DIAPH3: variants seen among roughly 807,000 people sequenced by gnomAD.
The protein encoded by DIAPH3 is diaphanous related formin 3.
In DIAPH3, 117 loss-of-function variants were observed where a neutral mutation model predicts 144.3. The observed-to-expected ratio is 0.81, with a 90% CI of 0.70 to 0.95. The LOEUF (loss-of-function observed/expected upper bound fraction) is 0.95. Among genes scored for constraint, DIAPH3 ranks in the 40% least tolerant of loss-of-function variants. DIAPH3 has a pLI of 0.00. For synonymous variants in DIAPH3, 519 were observed against 488.9 expected (o/e 1.06, Z -0.81); for missense variants, 1,421 against 1,412.7 (o/e 1.01, Z -0.09).
chr13:59,748,818 TTGG>T (rs1391333983), intron 27 of DIAPH3, among the ~76,000 whole-genome samples: 1 of 152,012 alleles, frequency 6.6e-6, no homozygotes, highest in Non-Finnish European at 1.5e-5. Context: ...GAAGCCACGG[TTGG>T]TGGTAATCTG....
intron 27 of DIAPH3, among the ~76,000 whole-genome samples, chr13:59,749,751 A>C (rs1019099494): frequency 2.6e-5 from 4 of 152,086 alleles, no homozygotes; most frequent in Non-Finnish European, 5.9e-5. Context: ...AGGTCTTAGA[A>C]AATTTCAAAA....
intron 7 of DIAPH3, chr13:60,013,041 C>G: frequency 1.0e-6 from 1 of 985,364 alleles, no homozygotes; most frequent in Non-Finnish European, 1.2e-6. Flanking sequence ...GAGAAGTTGT[C>G]AACTTACCAG....
At chr13:59,915,309 C>T (rs900084926) in intron 19 of DIAPH3, among the ~76,000 whole-genome samples, 4 of 151,970 alleles carry the variant, frequency 2.6e-5, no homozygotes, top group African/African-American at 9.7e-5. Context: ...AATTATATGA[C>T]CACTACATTT....
intron 25 of DIAPH3, 90 bp downstream of exon 25, chr13:59,810,698 T>G: frequency 7.1e-7 from 1 of 1,413,906 alleles, no homozygotes; most frequent in Non-Finnish European, 9.6e-7. Context: ...TGTATTTTCC[T>G]TTTTCACTAA....
At chr13:59,791,907 C>A (rs2039346619) in intron 25 of DIAPH3, among the ~76,000 whole-genome samples, 1 of 152,188 alleles carries the variant, frequency 6.6e-6, no homozygotes, top group African/African-American at 2.4e-5. Flanking sequence ...GGCCTCCTGA[C>A]TCCTCCTTTC....
At chr13:59,924,397 T>C (rs551682694) in intron 18 of DIAPH3, among the ~76,000 whole-genome samples, 1 of 152,236 alleles carries the variant, frequency 6.6e-6, no homozygotes, top group East Asian at 1.9e-4. Flanking sequence ...GTATCACAAA[T>C]ATTAGAGATT....
chr13:60,095,368 T>C (rs943427656), intron 3 of DIAPH3, among the ~76,000 whole-genome samples: 1 of 152,166 alleles, frequency 6.6e-6, no homozygotes, highest in South Asian at 2.1e-4. Context: ...GTCAGCAATG[T>C]ATGGGCTCTT....
intron 20 of DIAPH3, among the ~76,000 whole-genome samples, chr13:59,881,610 C>A (rs2045053189): frequency 1.3e-5 from 2 of 152,082 alleles, no homozygotes; most frequent in Non-Finnish European, 2.9e-5. Flanking sequence ...ATGTAGCCAG[C>A]ATAGAGTAAT....
At chr13:60,110,096 T>A (rs918138206) in intron 3 of DIAPH3, among the ~76,000 whole-genome samples, 11 of 152,174 alleles carry the variant, frequency 7.2e-5, no homozygotes, top group Non-Finnish European at 1.5e-4. Context: ...TCACATTCAT[T>A]AAGTAATCAA....
intron 23 of DIAPH3, among the ~76,000 whole-genome samples, chr13:59,834,755 T>C (rs539751253): frequency 6.6e-6 from 1 of 151,848 alleles, no homozygotes; most frequent in South Asian, 2.1e-4. Context: ...ATACGTGAGA[T>C]ACTCAACAAA....
At chr13:59,789,048 A>T (rs2039188628) in intron 25 of DIAPH3, among the ~76,000 whole-genome samples, 1 of 152,228 alleles carries the variant, frequency 6.6e-6, no homozygotes, top group African/African-American at 2.4e-5. Flanking sequence ...GGCAAAAAGA[A>T]TGCTACCACA....
chr13:59,673,066 T>C (rs1259119779), intron 27 of DIAPH3, among the ~76,000 whole-genome samples: 1 of 152,228 alleles, frequency 6.6e-6, no homozygotes, highest in Non-Finnish European at 1.5e-5. Flanking sequence ...GCTGAGTTTT[T>C]CTAATTGAGT....
At chr13:59,899,495 A>G (rs1460666950) in intron 20 of DIAPH3, among the ~76,000 whole-genome samples, 1 of 152,202 alleles carries the variant, frequency 6.6e-6, no homozygotes, top group East Asian at 1.9e-4. Context: ...CAAGAATGTG[A>G]CTGGCATGTT....
chr13:60,122,180 C>T (rs1324927825), intron 2 of DIAPH3, among the ~76,000 whole-genome samples: 1 of 152,192 alleles, frequency 6.6e-6, no homozygotes, highest in Non-Finnish European at 1.5e-5. Flanking sequence ...CACTCCACCA[C>T]CTTACACTGT....
intron 27 of DIAPH3, among the ~76,000 whole-genome samples, chr13:59,772,041 T>G (rs919537848): frequency 2.6e-5 from 4 of 152,082 alleles, no homozygotes; most frequent in African/African-American, 9.7e-5. Flanking sequence ...TAGACATCAA[T>G]TTTAAGTATA....
intron 17 of DIAPH3, among the ~76,000 whole-genome samples, chr13:59,956,070 T>C (rs1284309950): frequency 2.0e-5 from 3 of 152,184 alleles, no homozygotes; most frequent in Non-Finnish European, 4.4e-5. Flanking sequence ...TTGGAACTTA[T>C]GTTTAAAAGG....
intron 1 of DIAPH3, among the ~76,000 whole-genome samples, chr13:60,134,005 AC>A (rs1235250085): frequency 2.6e-5 from 4 of 152,216 alleles, no homozygotes; most frequent in Admixed American, 6.5e-5. Context: ...ACTCAAGTAC[AC>A]CTTCATGCTC....
chr13:59,699,287 G>C, intron 27 of DIAPH3, among the ~76,000 whole-genome samples: 1 of 152,220 alleles, frequency 6.6e-6, no homozygotes, highest in East Asian at 1.9e-4. Context: ...TAGATGGAGT[G>C]AGTATACATA....
At chr13:59,992,633 A>C in intron 9 of DIAPH3, 50 bp from the exon 10 acceptor site, 1 of 1,420,302 alleles carries the variant, frequency 7.0e-7, no homozygotes, top group Non-Finnish European at 9.9e-7. Flanking sequence ...CATTAAAGAA[A>C]GAGTAACAAA....
Sources: allele counts gnomAD v4.1 joint callset (sites outside exome capture counted in the v4.1 genomes callset), GRCh38; gene constraint gnomAD v4.1.1; transcripts MANE v1.5; gene names NCBI Gene and HGNC (gene_info 2026-07-23, HGNC 2026-07-21).